PDE1C: variants seen among roughly 807,000 people sequenced by gnomAD.
The protein encoded by PDE1C is phosphodiesterase 1C.
In PDE1C, 62 loss-of-function variants were observed where a neutral mutation model predicts 93.1. The ratio of observed to expected loss-of-function variants is 0.67; its 90% CI spans 0.54 to 0.82. The LOEUF is 0.82. Among genes scored for constraint, PDE1C ranks in the 40% least tolerant of loss-of-function variants. The probability of loss-of-function intolerance (pLI) is 0.00; values close to 1 mark genes in which losing one functional copy is unlikely to be tolerated. For missense variants in PDE1C, 742 were observed against 884.6 expected (o/e 0.84, Z 2.04); for synonymous variants, 325 against 310.1 (o/e 1.05, Z -0.50).
At chr7:31,705,429 G>A in the PDE1C span, among the ~76,000 whole-genome samples, 1 of 152,136 alleles carries the variant, frequency 6.6e-6, no homozygotes, top group Admixed American at 6.5e-5. Flanking sequence ...ATTCCAAACA[G>A]AAATCCAAAT....
the PDE1C span, among the ~76,000 whole-genome samples, chr7:31,627,673 A>AAAAT: frequency 6.6e-6 from 1 of 151,596 alleles, no homozygotes; most frequent in East Asian, 1.9e-4. Flanking sequence ...AAAAAAAAAA[A>AAAAT]AAAAAAAAAA....
chr7:32,076,642 C>CA lies in PDE1C; in HGVS notation c.308+93142dup, dbSNP rs869181797. Among the ~76,000 whole-genome samples the CA allele has an allele frequency of 8.1e-3, 320 of 39,518 alleles. 3 individuals carry two copies. Among genetic ancestry groups the CA allele is most frequent in the South Asian group, 0.021 (26 of 1,222 alleles). 25.9% of individuals were successfully genotyped at this position (39,518 alleles called of 152,430 possible). ...TGGGCGACAGAGTGAGACTCCATCT[C>CA]AAAAAAAAAAAAAAAGAAAAAAAGA... On this transcript the variant is annotated intron_variant, in intron 3 of 18. Transcript: ENST00000396193.
chr7:31,893,084 C>T (rs1356856684), intron 2 of PDE1C, among the ~76,000 whole-genome samples: 24 of 151,788 alleles, frequency 1.6e-4, no homozygotes, highest in Non-Finnish European at 2.9e-5. Flanking sequence ...AAATAAGAGT[C>T]GATTCCATAA....
At chr7:31,930,856 A>AAAAAAAAAG (rs1305465564) in intron 2 of PDE1C, among the ~76,000 whole-genome samples, 4 of 146,666 alleles carry the variant, frequency 2.7e-5, no homozygotes, top group South Asian at 4.3e-4. Flanking sequence ...CTCAAAAAAA[A>AAAAAAAAAG]AAAAAAAAAA....
intron 2 of PDE1C, among the ~76,000 whole-genome samples, chr7:32,030,170 TGGTTGTGGG>T (rs1480501752): frequency 1.3e-5 from 2 of 150,586 alleles, no homozygotes; most frequent in Non-Finnish European, 3.0e-5. Context: ...TGGGATAAGT[TGGTTGTGGG>T]GATAGAGGAG....
At chr7:32,078,318 G>T (rs1399013671) in intron 3 of PDE1C, among the ~76,000 whole-genome samples, 1 of 152,190 alleles carries the variant, frequency 6.6e-6, no homozygotes, top group East Asian at 1.9e-4. Flanking sequence ...CCAGCCCAGT[G>T]CTCCACTGTC....
At chr7:32,292,472 T>C (rs915218876) in intron 1 of PDE1C, among the ~76,000 whole-genome samples, 7 of 152,236 alleles carry the variant, frequency 4.6e-5, no homozygotes, top group Non-Finnish European at 1.0e-4. Context: ...GTCTGATCAC[T>C]ATGCTTACTG....
At chr7:31,963,954 T>A (rs1441539191) in intron 2 of PDE1C, among the ~76,000 whole-genome samples, 1 of 152,096 alleles carries the variant, frequency 6.6e-6, no homozygotes, top group Non-Finnish European at 1.5e-5. Flanking sequence ...CTGTGTTAGG[T>A]GTTAAGAAAA....
At chr7:31,788,223 C>G (rs1784209157) in intron 16 of PDE1C, 1 of 152,010 alleles carries the variant, frequency 6.6e-6, no homozygotes, top group Non-Finnish European at 1.5e-5. Flanking sequence ...GCCCCACATA[C>G]AAAAATACAG....
intron 1 of PDE1C, among the ~76,000 whole-genome samples, chr7:32,387,633 A>ACC (rs1491144731): frequency 2.2e-5 from 3 of 138,720 alleles, no homozygotes; most frequent in African/African-American, 5.7e-5. Flanking sequence ...CGGGGGGCTG[A>ACC]TCCCCCCACC....
rs555429360 is a variant in PDE1C at position 32,104,543 on chromosome 7, C to T, written c.308+65242G>A. Among the ~76,000 whole-genome samples the T allele has an allele frequency of 5.3e-5, 8 of 152,234 alleles. No homozygotes were observed. The South Asian group carries it at 1.7e-3, about 32-fold the overall frequency. On this transcript the variant is annotated intron_variant, in intron 3 of 18. Transcript: ENST00000396193. The stretch of plus-strand genomic sequence containing the variant: ...CTCCCCAGGGCTCAACTTGACTTTT[C>T]TCCTGATTTGGATTTTCTGTTTTTT...
intron 3 of PDE1C, among the ~76,000 whole-genome samples, chr7:31,880,244 G>T (rs1227534467): frequency 6.6e-6 from 1 of 152,084 alleles, no homozygotes; most frequent in African/African-American, 2.4e-5. Context: ...GCTTTAATAC[G>T]TTTAGATAAT....
At chr7:32,045,949 G>T (rs915229099) in intron 2 of PDE1C, among the ~76,000 whole-genome samples, 5 of 152,160 alleles carry the variant, frequency 3.3e-5, no homozygotes, top group African/African-American at 1.2e-4. Context: ...ACATGGGCAG[G>T]CCTGACTAAG....
chr7:32,181,799 C>T (rs1377657179), intron 2 of PDE1C, among the ~76,000 whole-genome samples: 1 of 152,076 alleles, frequency 6.6e-6, no homozygotes, highest in African/African-American at 2.4e-5. Flanking sequence ...TAACTAAGAT[C>T]AGAGCAGAAC....
chr7:32,362,357 T>C (rs1176089623), intron 1 of PDE1C, among the ~76,000 whole-genome samples: 1 of 152,148 alleles, frequency 6.6e-6, no homozygotes, highest in African/African-American at 2.4e-5. Context: ...CTGTTCAAAA[T>C]GTTGCTTTGG....
chr7:32,066,411 T>C (rs926283536), intron 1 of PDE1C, among the ~76,000 whole-genome samples: 3 of 152,188 alleles, frequency 2.0e-5, no homozygotes, highest in African/African-American at 7.2e-5. Flanking sequence ...CATGGAGTGT[T>C]ATATAAGCAT....
intron 16 of PDE1C, among the ~76,000 whole-genome samples, chr7:31,798,887 C>T (rs1386645588): frequency 6.6e-6 from 1 of 151,654 alleles, no homozygotes; most frequent in Non-Finnish European, 1.5e-5. Context: ...TAAAATGAAA[C>T]ATCAACCAAA....
At chr7:31,919,792 G>T (rs2128956242) in intron 2 of PDE1C, among the ~76,000 whole-genome samples, 1 of 152,276 alleles carries the variant, frequency 6.6e-6, no homozygotes, top group East Asian at 1.9e-4. Flanking sequence ...TTAGAGGCTG[G>T]CCCTGCAAGG....
At chr7:31,726,365 A>G in the PDE1C span, among the ~76,000 whole-genome samples, 2 of 151,974 alleles carry the variant, frequency 1.3e-5, no homozygotes. Context: ...GCAAAATAAT[A>G]CTCTTAATAT....
Sources: gnomAD v4.1 joint callset for allele counts (sites outside exome capture counted in the v4.1 genomes callset) on GRCh38, gnomAD v4.1.1 for gene constraint, MANE v1.5 for transcripts, NCBI Gene and HGNC (gene_info 2026-07-23, HGNC 2026-07-21) for gene names.